The following PPP2R2C variants were observed in gnomAD, a reference collection of about 807,000 sequenced individuals.
PPP2R2C encodes protein phosphatase 2, regulatory subunit B, gamma.
A neutral mutation model predicts 45.3 loss-of-function variants in PPP2R2C; 10 were observed. The ratio of observed to expected loss-of-function variants is 0.22; its 90% CI spans 0.14 to 0.37. PPP2R2C has a LOEUF of 0.37. Ranked by LOEUF, PPP2R2C falls within the 10% of genes least tolerant of loss-of-function variation. PPP2R2C has a pLI of 1.00. For missense variants in PPP2R2C, 308 were observed against 619.7 expected (o/e 0.50, Z 5.34); for synonymous variants, 257 against 245.4 (o/e 1.05, Z -0.44).
chr4:6,449,827 C>G (rs1487055505), intron 1 of PPP2R2C, among the ~76,000 whole-genome samples: 1 of 152,158 alleles, frequency 6.6e-6, no homozygotes. Flanking sequence ...GGTATGATTT[C>G]CAGAGAGACA....
intron 5 of PPP2R2C, chr4:6,349,276 G>A (rs1409475118): frequency 1.0e-6 from 1 of 985,408 alleles, no homozygotes; most frequent in African/African-American, 1.7e-5. Context: ...GAGTTGGAAG[G>A]TCTGGGGTTT....
chr4:6,478,718 G>A (rs557171427), intron 2 of PPP2R2C, among the ~76,000 whole-genome samples: 1 of 152,320 alleles, frequency 6.6e-6, no homozygotes, highest in South Asian at 2.1e-4. Context: ...TGCCTCAGCC[G>A]GAATGAACTA....
intron 1 of PPP2R2C, among the ~76,000 whole-genome samples, chr4:6,385,582 T>A (rs114529378): frequency 0.049 from 7,470 of 152,150 alleles, 293 homozygotes; most frequent in African/African-American, 0.1. Context: ...ATTTATTTAT[T>A]TTTTTGAGAC....
chr4:6,523,573 T>C (rs927729360), intron 2 of PPP2R2C: 1 of 151,906 alleles, frequency 6.6e-6, no homozygotes, highest in African/African-American at 2.4e-5. Flanking sequence ...GCAAAGCGAG[T>C]GTTGGCTGTT....
At chr4:6,547,636 C>A (rs1429926654) in intron 1 of PPP2R2C, among the ~76,000 whole-genome samples, 1 of 152,120 alleles carries the variant, frequency 6.6e-6, no homozygotes, top group Non-Finnish European at 1.5e-5. Context: ...CACAGGGAAG[C>A]CATAGATACA....
intron 1 of PPP2R2C, among the ~76,000 whole-genome samples, chr4:6,542,321 A>G (rs1724825684): frequency 6.6e-6 from 1 of 152,276 alleles, no homozygotes; most frequent in Non-Finnish European, 1.5e-5. Flanking sequence ...AAAGATTAAT[A>G]AAGTCAACAA....
intron 2 of PPP2R2C, among the ~76,000 whole-genome samples, chr4:6,480,950 G>A (rs1344824706): frequency 1.3e-5 from 2 of 152,168 alleles, no homozygotes; most frequent in Admixed American, 6.5e-5. Flanking sequence ...TTTCCTCTTC[G>A]ATGAATCGCC....
In PPP2R2C at chr4:6,332,786, A is replaced by T. The variant is rs1732512796; in HGVS notation, c.960+776T>A. The stretch of plus-strand genomic sequence containing the variant: ...CGTGGCACCCCATGTGTGAGGAGTG[A>T]CACGGTGAGGAACCGGCTGGGGTTT... On this transcript the variant is annotated intron_variant, in intron 7 of 8. Transcript: ENST00000382599. This position sits in a 1 kb window ranked among gnomAD's most constrained non-coding sequence, Gnocchi z 4.9. 6.6e-6 allele frequency among the ~76,000 whole-genome samples: 1 copy of T among 152,124 alleles called. No homozygotes were observed. The highest frequency in any genetic ancestry group is 1.5e-5 in the Non-Finnish European group (1 of 68,022).
chr4:6,504,974 A>G (rs1213709297), intron 2 of PPP2R2C, among the ~76,000 whole-genome samples: 3 of 152,208 alleles, frequency 2.0e-5, no homozygotes, highest in Non-Finnish European at 2.9e-5. Context: ...AAAAAAACAC[A>G]AAGAAAACCA....
intron 1 of PPP2R2C, chr4:6,383,473 T>C (rs1716003708): frequency 7.8e-7 from 1 of 1,278,696 alleles, no homozygotes; most frequent in South Asian, 1.2e-5. Context: ...CTCCTTGCCC[T>C]TTCCCAAAAG....
intron 2 of PPP2R2C, among the ~76,000 whole-genome samples, chr4:6,513,122 A>G (rs1442481931): frequency 2.0e-5 from 3 of 152,198 alleles, no homozygotes; most frequent in Non-Finnish European, 4.4e-5. Flanking sequence ...AATTTACCAA[A>G]GGACAACACG....
chr4:6,396,239 G>C (rs1717025643), intron 1 of PPP2R2C, among the ~76,000 whole-genome samples: 1 of 152,210 alleles, frequency 6.6e-6, no homozygotes, highest in South Asian at 2.1e-4. Flanking sequence ...GTGCAGATCA[G>C]GCCAGCCCCT....
At chr4:6,337,102 A>ATGTGTGTGTGTGTGTG (rs1158525075) in intron 6 of PPP2R2C, among the ~76,000 whole-genome samples, 4 of 37,320 alleles carry the variant, frequency 1.1e-4, no homozygotes, top group African/African-American at 4.8e-4. Context: ...TTGTTTCTGT[A>ATGTGTGTGTGTGTGTG]TGTGTGTGTG....
chr4:6,382,897 C>G (rs1715953733), intron 1 of PPP2R2C: 1 of 1,090,458 alleles, frequency 9.2e-7, no homozygotes, highest in Non-Finnish European at 1.1e-6. Context: ...GCTCAAAACC[C>G]TCCAGCGGCT....
chr4:6,370,144 G>C (rs1714679422), intron 5 of PPP2R2C, among the ~76,000 whole-genome samples: 1 of 152,208 alleles, frequency 6.6e-6, no homozygotes, highest in South Asian at 2.1e-4. Flanking sequence ...GGGCTGCAGG[G>C]GGCAGGCCGA....
At chr4:6,357,358 T>G (rs780116088) in intron 5 of PPP2R2C, among the ~76,000 whole-genome samples, 1 of 152,190 alleles carries the variant, frequency 6.6e-6, no homozygotes, top group Non-Finnish European at 1.5e-5. Context: ...AGTGCCAACA[T>G]TCACAGGTGT....
chr4:6,528,467 G>A (rs953479211), intron 2 of PPP2R2C, among the ~76,000 whole-genome samples: 2 of 152,146 alleles, frequency 1.3e-5, no homozygotes, highest in African/African-American at 2.4e-5. Flanking sequence ...ATCAGAGAGC[G>A]TTCCTCCACT....
At chr4:6,340,740 C>T (rs544470886) in intron 6 of PPP2R2C, among the ~76,000 whole-genome samples, 25 of 152,260 alleles carry the variant, frequency 1.6e-4, no homozygotes, top group Non-Finnish European at 2.8e-4. Flanking sequence ...ATCCTGTGAA[C>T]ACATGGCCAG....
rs760029582 is a variant in PPP2R2C, at chr4:6,381,314, G to C, written c.71-220C>G. On this transcript the variant is annotated intron_variant, in intron 1 of 8. Transcript: ENST00000382599. ...CCCTCTGCACTGGCTGCAGGGCAGA[G>C]ATCTCGGGACTTGGCACAGGCCTGG... is the stretch of plus-strand genomic sequence containing the variant. The C allele has an allele frequency of 5.3e-5, 81 of 1,522,280 alleles. No homozygotes were observed. The African/African-American group carries it at 1.0e-3, about 19-fold the overall frequency. The allele number at this position is 1,522,280 out of a possible 1,614,324, so 94.3% of individuals were successfully genotyped here.
Sources: gnomAD v4.1 joint callset for allele counts (sites outside exome capture counted in the v4.1 genomes callset) on GRCh38, gnomAD v4.1.1 for gene constraint, Gnocchi (gnomAD v3.1) non-coding constraint, MANE v1.5 for transcripts, NCBI Gene and HGNC (gene_info 2026-07-23, HGNC 2026-07-21) for gene names.